Variants in SCARB2 observed in about 807,000 individuals in gnomAD.
SCARB2 encodes scavenger receptor class B member 2, also known as lysosome membrane protein 2.
A neutral mutation model predicts 58.6 loss-of-function variants in SCARB2; 29 were observed. The ratio of observed to expected loss-of-function variants is 0.49; its 90% CI spans 0.37 to 0.67. The LOEUF is 0.67. Ranked by LOEUF, SCARB2 falls within the 30% of genes least tolerant of loss-of-function variation. The pLI is 0.00. For synonymous variants in SCARB2, 195 were observed against 210.1 expected (o/e 0.93, Z 0.62); for missense variants, 488 against 578.5 (o/e 0.84, Z 1.60).
At chr4:76,216,640 T>A (rs1347067417), upstream of SCARB2, among the ~76,000 whole-genome samples, 1 of 152,206 alleles carries the variant, frequency 6.6e-6, no homozygotes, top group Non-Finnish European at 1.5e-5. Context: ...AAACAAGGGT[T>A]TACAGCTCAA....
At chr4:76,212,609 G>A (rs960842821) in intron 1 of SCARB2, among the ~76,000 whole-genome samples, 4 of 152,180 alleles carry the variant, frequency 2.6e-5, no homozygotes, top group African/African-American at 9.7e-5. Flanking sequence ...AGGAAAAAAT[G>A]ATCCCAGTAA....
intron 1 of SCARB2, among the ~76,000 whole-genome samples, chr4:76,202,115 T>C (rs899010630): frequency 6.6e-6 from 1 of 152,240 alleles, no homozygotes; most frequent in Non-Finnish European, 1.5e-5. Context: ...ATTATCAATC[T>C]ACAGAAATTT....
chr4:76,203,212 T>G (rs139552901), intron 1 of SCARB2, among the ~76,000 whole-genome samples: 1 of 152,144 alleles, frequency 6.6e-6, no homozygotes, highest in Non-Finnish European at 1.5e-5. Context: ...TGGCCTCAAG[T>G]GATCCACCTA....
chr4:76,231,176 A>T (rs978693456), intron 1 of SCARB2, among the ~76,000 whole-genome samples: 1 of 152,230 alleles, frequency 6.6e-6, no homozygotes, highest in African/African-American at 2.4e-5. Flanking sequence ...AGCTATAGTT[A>T]TGCTTGCTAA....
At position 76,159,243 on chromosome 4, in the gene SCARB2, C is replaced by T. The variant is rs917875228; in HGVS notation, c.*2470G>A. The T allele has an allele frequency of 1.3e-5, 2 of 152,132 alleles. No homozygotes were observed. Among genetic ancestry groups the T allele is most frequent in the African/African-American group, 2.4e-5 (1 of 41,420 alleles). 9.4% of individuals were successfully genotyped at this position (152,132 alleles called of 1,614,324 possible). On this transcript the variant is annotated 3_prime_UTR_variant, in exon 12 of 12. Coordinates refer to ENST00000264896, the MANE Select transcript of SCARB2 (RefSeq NM_005506.4). ...CATGACAGTGCTTACAATCACAAAG[C>T]CTTTGGGGGTCTTTCTAAGATAACT...
At chr4:76,176,599 G>A in intron 4 of SCARB2, 71 bp from the exon 5 acceptor site, 3 of 1,090,360 alleles carry the variant, frequency 2.8e-6, no homozygotes, top group Non-Finnish European at 2.8e-6. Context: ...AGACTATGGT[G>A]CCCAGTTGTT....
chr4:76,227,553 G>C (rs975407672), intron 1 of SCARB2, among the ~76,000 whole-genome samples: 1 of 152,096 alleles, frequency 6.6e-6, no homozygotes, highest in African/African-American at 2.4e-5. Context: ...TCTATCTGGG[G>C]TATAGTTTCA....
chr4:76,211,901 C>A (rs1037039893), intron 1 of SCARB2, among the ~76,000 whole-genome samples: 2 of 152,172 alleles, frequency 1.3e-5, no homozygotes, highest in Non-Finnish European at 2.9e-5. Flanking sequence ...CTTATCAGAA[C>A]AGAGTCCATT....
At chr4:76,198,873 T>TGTGTGTGTGC (rs1012623931) in intron 1 of SCARB2, among the ~76,000 whole-genome samples, 3 of 150,282 alleles carry the variant, frequency 2.0e-5, no homozygotes, top group African/African-American at 4.9e-5. Context: ...TGTGTGTGTG[T>TGTGTGTGTGC]GCTCATGCGA....
intron 1 of SCARB2, among the ~76,000 whole-genome samples, chr4:76,208,392 C>T (rs551602366): frequency 1.3e-3 from 192 of 152,318 alleles, no homozygotes; most frequent in African/African-American, 4.0e-3. Flanking sequence ...AGGAAATTAA[C>T]GACACTGCCT....
chr4:76,182,998 C>T (rs1216035237), intron 2 of SCARB2, among the ~76,000 whole-genome samples: 3 of 152,182 alleles, frequency 2.0e-5, no homozygotes, highest in Non-Finnish European at 4.4e-5. Context: ...AAGTCAAGGA[C>T]TGTCTGTATA....
rs966563258 is a variant in SCARB2 at position 76,159,711 on chromosome 4, A to C, written c.*2002T>G. 1 of 151,832 alleles carries C rather than the reference A, an allele frequency of 6.6e-6. No individual in the cohort carries two copies. The highest frequency in any genetic ancestry group is 1.5e-5 in the Non-Finnish European group (1 of 67,988). The allele number at this position is 151,832 out of a possible 1,614,324, so 9.4% of individuals were successfully genotyped here. On this transcript the variant is annotated 3_prime_UTR_variant, in exon 12 of 12. Transcript: ENST00000264896. Reference sequence around the variant, plus strand: ...TACTCCAGCCTGGCGACAGAGTGAGACTCTCTCAAAAAAAAAAGAATCATG... The same window carrying C: ...TACTCCAGCCTGGCGACAGAGTGAGCCTCTCTCAAAAAAAAAAGAATCATG...
intron 4 of SCARB2, 164 bp from the exon 5 acceptor site, chr4:76,176,692 G>T: frequency 3.4e-6 from 2 of 595,230 alleles, no homozygotes; most frequent in East Asian, 2.8e-5. Flanking sequence ...TTTAAGGGAG[G>T]TTACCCTCAA....
chr4:76,180,103 T>C (rs1389334796), intron 3 of SCARB2: 1 of 308,678 alleles, frequency 3.2e-6, no homozygotes, highest in African/African-American at 2.2e-5. Flanking sequence ...CCTCATACTG[T>C]CTAGGTCCTG....
intron 1 of SCARB2, among the ~76,000 whole-genome samples, chr4:76,208,969 G>A (rs1732985606): frequency 6.6e-6 from 1 of 152,170 alleles, no homozygotes; most frequent in South Asian, 2.1e-4. Context: ...CCAGGCAAAT[G>A]GGATGTATGG....
In SCARB2 at chr4:76,160,646, A is replaced by G. The variant is rs949041137; in HGVS notation, c.*1067T>C. On this transcript the variant is annotated 3_prime_UTR_variant, in exon 12 of 12. Transcript: ENST00000264896. Reference sequence around the variant, plus strand: ...CACTGGAAAGAACTGAAACTGAGGAAGGAACTTGTAAAAAGAACTTCAAAA... The same window carrying G: ...CACTGGAAAGAACTGAAACTGAGGAGGGAACTTGTAAAAAGAACTTCAAAA... 6.6e-6 allele frequency: 1 copy of G among 152,246 alleles called. No individual in the cohort carries two copies. The highest frequency in any genetic ancestry group is 1.5e-5 in the Non-Finnish European group (1 of 68,052). 9.4% of individuals were successfully genotyped at this position (152,246 alleles called of 1,614,324 possible).
chr4:76,161,593 C>T lies in SCARB2; in HGVS notation c.*120G>A, dbSNP rs1731898744. 8.8e-6 allele frequency: 9 copies of T among 1,025,792 alleles called. No individual in the cohort carries two copies. The highest frequency in any genetic ancestry group is 3.4e-5 in the Admixed American group (2 of 58,014). The allele number at this position is 1,025,792 out of a possible 1,614,324, so 63.5% of individuals were successfully genotyped here. A position where few individuals can be genotyped will look rare whatever the true frequency, so the allele number is the denominator to read the frequency against. On this transcript the variant is annotated 3_prime_UTR_variant, in exon 12 of 12. Coordinates refer to ENST00000264896, the MANE Select transcript of SCARB2 (RefSeq NM_005506.4). ...CCAGAATGTTCCTATCACTTGCCAG[C>T]GCCGTGTCTTTTTCCTTCTTTCAAC...
intron 1 of SCARB2, among the ~76,000 whole-genome samples, chr4:76,234,059 G>C (rs1393689468): frequency 2.6e-5 from 4 of 152,248 alleles, no homozygotes; most frequent in Non-Finnish European, 4.4e-5. Context: ...CAGGCCCAGG[G>C]TGTGTGGCAG....
intron 2 of SCARB2, among the ~76,000 whole-genome samples, chr4:76,183,940 A>G (rs1049694212): frequency 1.3e-5 from 2 of 152,236 alleles, no homozygotes; most frequent in African/African-American, 2.4e-5. Context: ...TCACATGTCT[A>G]TATCCTATAC....
Sources: allele counts gnomAD v4.1 joint callset (sites outside exome capture counted in the v4.1 genomes callset), GRCh38; gene constraint gnomAD v4.1.1; transcripts MANE v1.5; gene names NCBI Gene and HGNC (gene_info 2026-07-23, HGNC 2026-07-21).